The following SUSD6 variants were observed in gnomAD, a reference collection of about 807,000 sequenced individuals.
SUSD6 encodes sushi domain containing 6.
A neutral mutation model predicts 28.4 loss-of-function variants in SUSD6; 16 were observed. The ratio of observed to expected loss-of-function variants is 0.56; its 90% CI spans 0.38 to 0.86. SUSD6 has a LOEUF of 0.86. Ranked by LOEUF, SUSD6 falls within the 40% of genes least tolerant of loss-of-function variation. The probability of loss-of-function intolerance (pLI) is 0.00; values close to 1 mark genes in which losing one functional copy is unlikely to be tolerated. For synonymous variants in SUSD6, 147 were observed against 159.6 expected, an observed-to-expected ratio of 0.92 and a Z score of 0.59; for missense variants, 341 against 384.2, an observed-to-expected ratio of 0.89 and a Z score of 0.94.
intron 1 of SUSD6, among the ~76,000 whole-genome samples, chr14:69,648,305 G>A (rs1241047864): frequency 6.6e-6 from 1 of 152,178 alleles, no homozygotes; most frequent in Non-Finnish European, 1.5e-5. Context: ...TAGCTATCAC[G>A]CAGAGAGATG....
intron 2 of SUSD6, among the ~76,000 whole-genome samples, chr14:69,668,385 A>T (rs969757833): frequency 3.9e-5 from 6 of 152,196 alleles, no homozygotes; most frequent in African/African-American, 1.4e-4. Context: ...CTGTAATCCC[A>T]GCACTTTGGG....
intron 2 of SUSD6, chr14:69,670,604 C>A: frequency 2.3e-6 from 1 of 440,112 alleles, no homozygotes; most frequent in Non-Finnish European, 4.7e-6. Context: ...CCTAGTTCTG[C>A]CAGTAGTGTG....
intron 2 of SUSD6, among the ~76,000 whole-genome samples, chr14:69,662,288 G>A (rs1885674387): frequency 1.3e-5 from 2 of 152,164 alleles, no homozygotes; most frequent in African/African-American, 4.8e-5. Flanking sequence ...GAGACAATTT[G>A]TCTGCATCGT....
At chr14:69,625,659 C>A (rs1885103764) in intron 1 of SUSD6, among the ~76,000 whole-genome samples, 1 of 152,170 alleles carries the variant, frequency 6.6e-6, no homozygotes, top group Non-Finnish European at 1.5e-5. Flanking sequence ...GAACCACATC[C>A]TTTTTCCACC....
chr14:69,652,075 A>G (rs1472510442), intron 1 of SUSD6, among the ~76,000 whole-genome samples: 3 of 152,200 alleles, frequency 2.0e-5, no homozygotes, highest in African/African-American at 4.8e-5. Context: ...CACTACTACC[A>G]TTATCCTCTG....
intron 1 of SUSD6, among the ~76,000 whole-genome samples, chr14:69,654,771 C>CTTTTT (rs747847939): frequency 8.2e-6 from 1 of 122,476 alleles, no homozygotes; most frequent in Non-Finnish European, 1.6e-5. Context: ...TTACCAATTT[C>CTTTTT]TTTTTTTTTT....
chr14:69,685,735 C>G (rs116213440), intron 2 of SUSD6, among the ~76,000 whole-genome samples: 6 of 152,182 alleles, frequency 3.9e-5, no homozygotes, highest in Admixed American at 3.3e-4. Flanking sequence ...TTGCTAAACC[C>G]GTGGTGGGGG....
rs1488370579 is a variant in SUSD6 at position 69,713,052 on chromosome 14, T to A, written c.*2073T>A. The A allele has an allele frequency of 6.6e-6, 1 of 152,274 alleles. No individual in the cohort carries two copies. Among genetic ancestry groups the A allele is most frequent in the Non-Finnish European group, 1.5e-5 (1 of 68,080 alleles). The allele number at this position is 152,274 out of a possible 1,614,324, so 9.4% of individuals were successfully genotyped here. On this transcript the variant is annotated 3_prime_UTR_variant, in exon 6 of 6. Transcript: ENST00000342745. Reference sequence around the variant, plus strand: ...GGGTGGTAATCTGAAGTCTCACTGCTGAGCCTTCAGCTTTTATTTTTCACT... The same window carrying A: ...GGGTGGTAATCTGAAGTCTCACTGCAGAGCCTTCAGCTTTTATTTTTCACT...
At chr14:69,695,191 A>T (rs1213405872) in intron 2 of SUSD6, among the ~76,000 whole-genome samples, 1 of 152,012 alleles carries the variant, frequency 6.6e-6, no homozygotes, top group Admixed American at 6.5e-5. Context: ...TTTAGACTTG[A>T]CTATTTGGCG....
chr14:69,673,694 T>C (rs1176226223), intron 2 of SUSD6, among the ~76,000 whole-genome samples: 3 of 152,142 alleles, frequency 2.0e-5, no homozygotes, highest in African/African-American at 7.2e-5. Context: ...CATTTCCTAT[T>C]CTGCCCCCTG....
chr14:69,664,973 C>T (rs1595047376), intron 2 of SUSD6, among the ~76,000 whole-genome samples: 1 of 152,142 alleles, frequency 6.6e-6, no homozygotes, highest in African/African-American at 2.4e-5. Flanking sequence ...GAGTGGGAGC[C>T]TGCAGAGGGT....
At chr14:69,668,337 T>C (rs1253723451) in intron 2 of SUSD6, among the ~76,000 whole-genome samples, 1 of 152,050 alleles carries the variant, frequency 6.6e-6, no homozygotes, top group African/African-American at 2.4e-5. Flanking sequence ...GTTATATAGT[T>C]TGAAAGTATA....
chr14:69,673,616 G>T lies in SUSD6; in HGVS notation c.121+14903G>T, dbSNP rs143418578. Among the ~76,000 whole-genome samples the T allele has an allele frequency of 3.5e-4, 54 of 152,238 alleles. No individual in the cohort carries two copies. In the East Asian group the frequency reaches 0.01, roughly 28 times the overall value. ...GCAGATGTATCTCTTCTCCATGCTGGTCTGGTCCTTGCATACTACCCTACA... is the reference window on the plus strand; with the variant it reads ...GCAGATGTATCTCTTCTCCATGCTGTTCTGGTCCTTGCATACTACCCTACA... On this transcript the variant is annotated intron_variant, in intron 2 of 5. Transcript: ENST00000342745.
At chr14:69,684,671 G>C (rs80149066) in intron 2 of SUSD6, among the ~76,000 whole-genome samples, 1 of 152,246 alleles carries the variant, frequency 6.6e-6, no homozygotes, top group Non-Finnish European at 1.5e-5. Flanking sequence ...CATCGTGTCT[G>C]TAGCCCCGTG....
chr14:69,654,302 C>G (rs1885546442), intron 1 of SUSD6, among the ~76,000 whole-genome samples: 2 of 152,216 alleles, frequency 1.3e-5, no homozygotes, highest in African/African-American at 4.8e-5. Flanking sequence ...CTTGTGCTGG[C>G]TATTGAAGAT....
chr14:69,696,281 G>A (rs570805340), intron 2 of SUSD6, among the ~76,000 whole-genome samples: 49 of 152,352 alleles, frequency 3.2e-4, no homozygotes, highest in African/African-American at 1.2e-3. Flanking sequence ...TATCTGTAAA[G>A]TGGAGAAAAT....
chr14:69,644,448 G>T (rs1746783350), intron 1 of SUSD6, among the ~76,000 whole-genome samples: 1 of 152,070 alleles, frequency 6.6e-6, no homozygotes, highest in Non-Finnish European at 1.5e-5. Flanking sequence ...TCAAGAGATC[G>T]AGACCATCCT....
chr14:69,655,039 C>T (rs377685447), intron 1 of SUSD6, among the ~76,000 whole-genome samples: 6 of 152,006 alleles, frequency 3.9e-5, no homozygotes, highest in East Asian at 1.9e-4. Flanking sequence ...GTGATCCACC[C>T]GCCTCGGCCT....
chr14:69,633,449 A>C (rs1885223116), intron 1 of SUSD6, among the ~76,000 whole-genome samples: 2 of 152,212 alleles, frequency 1.3e-5, no homozygotes. Flanking sequence ...TTGCTTCGGC[A>C]TTCCTGCCCC....
Sources: allele counts gnomAD v4.1 joint callset (sites outside exome capture counted in the v4.1 genomes callset), GRCh38; gene constraint gnomAD v4.1.1; transcripts MANE v1.5; gene names NCBI Gene and HGNC (gene_info 2026-07-23, HGNC 2026-07-21).